Variants in ERC2 observed in about 807,000 individuals in gnomAD.
ERC2 encodes the protein ERC protein 2.
In ERC2, 42 loss-of-function variants were observed where a neutral mutation model predicts 114.8. The observed-to-expected ratio is 0.37, with a 90% CI of 0.29 to 0.47. The LOEUF is 0.47. Among genes scored for constraint, ERC2 ranks in the 20% least tolerant of loss-of-function variants. The pLI, the probability that ERC2 is intolerant of heterozygous loss-of-function variation, is 0.99. For synonymous variants in ERC2, 454 were observed against 425.5 expected, an observed-to-expected ratio of 1.07 and a Z score of -0.82; for missense variants, 939 against 1,150.7, an observed-to-expected ratio of 0.82 and a Z score of 2.66.
intron 3 of ERC2, among the ~76,000 whole-genome samples, chr3:56,231,942 C>A (rs2050645692): frequency 6.6e-6 from 1 of 151,696 alleles, no homozygotes. Context: ...AAAAAAAAAT[C>A]TTTATAGAAT....
At chr3:55,658,027 C>T (rs533563130) in intron 17 of ERC2, 1 of 152,276 alleles carries the variant, frequency 6.6e-6, no homozygotes, top group Non-Finnish European at 1.5e-5. Context: ...TGAGCCAGGA[C>T]TCAATAAGGG....
intron 13 of ERC2, among the ~76,000 whole-genome samples, chr3:55,949,251 T>A (rs1409906597): frequency 6.6e-6 from 1 of 152,070 alleles, no homozygotes; most frequent in Non-Finnish European, 1.5e-5. Flanking sequence ...GAGCCTGTAG[T>A]CCCAGCTACT....
chr3:56,192,622 A>G (rs1260516654), intron 3 of ERC2, among the ~76,000 whole-genome samples: 1 of 152,204 alleles, frequency 6.6e-6, no homozygotes, highest in African/African-American at 2.4e-5. Flanking sequence ...CCCTAAACAC[A>G]GAGACCATGC....
intron 13 of ERC2, among the ~76,000 whole-genome samples, chr3:55,941,516 C>T (rs942296505): frequency 1.3e-5 from 2 of 152,180 alleles, no homozygotes; most frequent in Non-Finnish European, 2.9e-5. Flanking sequence ...TTGACTTTTC[C>T]CTGTGCCTAA....
At chr3:56,045,306 C>G (rs2075400617) in intron 7 of ERC2, among the ~76,000 whole-genome samples, 1 of 152,160 alleles carries the variant, frequency 6.6e-6, no homozygotes, top group Non-Finnish European at 1.5e-5. Flanking sequence ...AACCGTAACA[C>G]TTCTTCAATT....
At chr3:55,724,135 C>T (rs2064761037) in intron 15 of ERC2, among the ~76,000 whole-genome samples, 1 of 152,128 alleles carries the variant, frequency 6.6e-6, no homozygotes, top group Non-Finnish European at 1.5e-5. Flanking sequence ...AGGTAAGTGC[C>T]AACATTTCTT....
chr3:55,714,659 G>GTATATATATATATATA (rs1559538570), intron 15 of ERC2, among the ~76,000 whole-genome samples: 2 of 70,846 alleles, frequency 2.8e-5, no homozygotes, highest in African/African-American at 1.5e-4. Context: ...GTGTGTGTGT[G>GTATATATATATATATA]TGTGTGTGTA....
At chr3:55,896,883 C>T (rs2063866317) in intron 13 of ERC2, among the ~76,000 whole-genome samples, 1 of 152,184 alleles carries the variant, frequency 6.6e-6, no homozygotes, top group Non-Finnish European at 1.5e-5. Flanking sequence ...TTGTATTAGT[C>T]ATTCTATGTT....
rs1316302387 is a variant in ERC2, at chr3:56,435,099, A to G, written c.-92T>C. On this transcript the variant is annotated 5_prime_UTR_variant, in exon 2 of 18. An upstream open reading frame in the 5' UTR loses its in-frame stop. Coordinates refer to ENST00000288221, the MANE Select transcript of ERC2 (RefSeq NM_015576.3). ...ATTTCCACGATTGTCCAGAATTTTCACCGCATTCTTTTCACAGTCCGTACC... is the reference window on the plus strand; with the variant it reads ...ATTTCCACGATTGTCCAGAATTTTCGCCGCATTCTTTTCACAGTCCGTACC... The G allele has an allele frequency of 6.3e-6, 6 of 958,418 alleles. No homozygotes were observed. Among genetic ancestry groups the G allele is most frequent in the Non-Finnish European group, 9.1e-6 (6 of 659,484 alleles). 59.4% of individuals were successfully genotyped at this position (958,418 alleles called of 1,614,324 possible).
At chr3:55,993,574 AT>A (rs2071246836) in intron 10 of ERC2, among the ~76,000 whole-genome samples, 1 of 152,082 alleles carries the variant, frequency 6.6e-6, no homozygotes, top group African/African-American at 2.4e-5. Flanking sequence ...TAGAAATAAT[AT>A]TTTTGCATGT....
intron 6 of ERC2, among the ~76,000 whole-genome samples, chr3:56,101,222 G>GCGCCTC (rs2078336218): frequency 6.6e-6 from 1 of 152,132 alleles, no homozygotes; most frequent in East Asian, 1.9e-4. Context: ...CCTCCAGCCT[G>GCGCCTC]CACCTCCGTA....
chr3:55,554,074 A>T (rs1222675527), intron 17 of ERC2, among the ~76,000 whole-genome samples: 1 of 152,232 alleles, frequency 6.6e-6, no homozygotes, highest in Non-Finnish European at 1.5e-5. Flanking sequence ...TCTTTTATGA[A>T]GTATCTAAAT....
At chr3:56,233,381 G>A (rs537226326) in intron 3 of ERC2, among the ~76,000 whole-genome samples, 36 of 152,188 alleles carry the variant, frequency 2.4e-4, no homozygotes, top group Non-Finnish European at 3.8e-4. Flanking sequence ...AGCACTTTGG[G>A]AGGCCAAGGC....
chr3:56,294,922 G>A (rs1438621189), intron 3 of ERC2, among the ~76,000 whole-genome samples: 3 of 152,166 alleles, frequency 2.0e-5, no homozygotes, highest in Admixed American at 1.3e-4. Context: ...ACGAAACAAG[G>A]AAGAATAGGA....
At chr3:55,742,925 C>A (rs752479782) in intron 14 of ERC2, among the ~76,000 whole-genome samples, 3 of 152,164 alleles carry the variant, frequency 2.0e-5, no homozygotes, top group African/African-American at 7.2e-5. Context: ...ATGCAGAAAG[C>A]AAAGCAGCTC....
intron 17 of ERC2, among the ~76,000 whole-genome samples, chr3:55,565,816 T>C (rs2056331151): frequency 1.3e-5 from 2 of 152,240 alleles, no homozygotes; most frequent in Non-Finnish European, 2.9e-5. Context: ...TTTCAGACTC[T>C]GAACTGCAGG....
intron 8 of ERC2, among the ~76,000 whole-genome samples, chr3:56,015,439 C>T (rs1456732307): frequency 1.3e-5 from 2 of 151,528 alleles, no homozygotes; most frequent in Non-Finnish European, 2.9e-5. Flanking sequence ...TCAGCTCCCA[C>T]TTATAAGTGA....
chr3:56,185,615 A>G (rs183179176), intron 3 of ERC2, among the ~76,000 whole-genome samples: 7 of 152,152 alleles, frequency 4.6e-5, no homozygotes, highest in African/African-American at 1.7e-4. Context: ...GGATGAGGTG[A>G]ATGTATTTAT....
intron 3 of ERC2, among the ~76,000 whole-genome samples, chr3:56,289,171 T>C (rs925032700): frequency 2.0e-5 from 3 of 152,028 alleles, no homozygotes; most frequent in Non-Finnish European, 4.4e-5. Context: ...TGACAACCCT[T>C]GCCTGCCCAC....
Sources: gnomAD v4.1 joint callset for allele counts (sites outside exome capture counted in the v4.1 genomes callset) on GRCh38, gnomAD v4.1.1 for gene constraint, MANE v1.5 for transcripts, NCBI Gene and HGNC (gene_info 2026-07-23, HGNC 2026-07-21) for gene names.